The following PAG1 variants were observed in gnomAD, a reference collection of about 807,000 sequenced individuals.
PAG1 encodes phosphoprotein membrane anchor with glycosphingolipid microdomains 1.
Under a neutral mutation model 31.7 loss-of-function variants are expected in PAG1, and 23 were observed. The observed-to-expected ratio is 0.73, with a 90% CI of 0.52 to 1.03. The LOEUF is 1.03. Ranked by LOEUF, PAG1 falls within the 50% of genes least tolerant of loss-of-function variation. The probability of loss-of-function intolerance (pLI) is 0.00; values close to 1 mark genes in which losing one functional copy is unlikely to be tolerated. For missense variants in PAG1, 473 were observed against 540.7 expected, an observed-to-expected ratio of 0.87 and a Z score of 1.24; for synonymous variants, 214 against 210.3, an observed-to-expected ratio of 1.02 and a Z score of -0.15.
At chr8:81,039,943 T>C (rs1172518003) in intron 2 of PAG1, among the ~76,000 whole-genome samples, 1 of 152,216 alleles carries the variant, frequency 6.6e-6, no homozygotes, top group Non-Finnish European at 1.5e-5. Flanking sequence ...TCAATAATTA[T>C]TTTAATTGTG....
At chr8:81,102,872 G>A (rs1809630887) in intron 1 of PAG1, among the ~76,000 whole-genome samples, 1 of 152,112 alleles carries the variant, frequency 6.6e-6, no homozygotes, top group South Asian at 2.1e-4. Context: ...ATCATTTAAT[G>A]TATCTGGAGA....
In PAG1 at chr8:80,993,094, G is replaced by A. The variant is rs1266425671; in HGVS notation, c.125+9C>T. On this transcript the variant is annotated intron_variant, in intron 4 of 8. Transcript: ENST00000220597. ...TTTAAGGCACAGGTATATACACTCT[G>A]GTTCTCACCTGTCACAACTAGAGCA... is the stretch of plus-strand genomic sequence containing the variant. 5.0e-6 allele frequency: 8 copies of A among 1,612,430 alleles called. No individual in the cohort carries two copies. The highest frequency in any genetic ancestry group is 6.8e-6 in the Non-Finnish European group (8 of 1,179,182).
At chr8:81,103,913 T>C (rs1809649941) in intron 1 of PAG1, among the ~76,000 whole-genome samples, 2 of 152,182 alleles carry the variant, frequency 1.3e-5, no homozygotes, top group Non-Finnish European at 2.9e-5. Context: ...CATTCTCCCA[T>C]GAAGCCTGTG....
chr8:81,105,152 C>A (rs138481462), intron 1 of PAG1, among the ~76,000 whole-genome samples: 2 of 152,238 alleles, frequency 1.3e-5, no homozygotes, highest in East Asian at 3.9e-4. Flanking sequence ...GAAAAGTCAT[C>A]CCCTTGGAGT....
Position 81,095,597 on chromosome 8 carries a change from TTAC to T in PAG1, c.-234+15991_-234+15993del, listed in dbSNP as rs376886642. Reference sequence around the variant, plus strand: ...TCACTCCTAACGATGTATATATATTTTACTCTCTGCTAAAACCAAATGTCTACT... The same window carrying T: ...TCACTCCTAACGATGTATATATATTTTCTCTGCTAAAACCAAATGTCTACT... On this transcript the variant is annotated intron_variant, in intron 1 of 8. Coordinates refer to ENST00000220597, the MANE Select transcript of PAG1 (RefSeq NM_018440.4). Among the ~76,000 whole-genome samples the T allele has an allele frequency of 4.7e-4, 71 of 152,300 alleles. 1 individual carries two copies. The highest frequency in any genetic ancestry group is 1.6e-3 in the African/African-American group (68 of 41,546).
chr8:81,011,876 G>T (rs1226358925), intron 3 of PAG1, among the ~76,000 whole-genome samples: 1 of 152,196 alleles, frequency 6.6e-6, no homozygotes, highest in Non-Finnish European at 1.5e-5. Context: ...TTCTCCATTT[G>T]CACATTTTGC....
intron 2 of PAG1, among the ~76,000 whole-genome samples, chr8:81,068,435 A>G (rs1385650582): frequency 1.3e-5 from 2 of 152,224 alleles, no homozygotes; most frequent in East Asian, 1.9e-4. Flanking sequence ...TGTAGCCACC[A>G]TGTTAGTTCT....
At chr8:81,066,013 A>G (rs962722567) in intron 2 of PAG1, among the ~76,000 whole-genome samples, 1 of 151,394 alleles carries the variant, frequency 6.6e-6, no homozygotes, top group African/African-American at 2.4e-5. Context: ...CAAAGTGAAC[A>G]TTCTCATGTT....
At chr8:81,074,918 G>A (rs984686442) in intron 1 of PAG1, among the ~76,000 whole-genome samples, 1 of 152,174 alleles carries the variant, frequency 6.6e-6, no homozygotes, top group East Asian at 1.9e-4. Flanking sequence ...CTATCCAGCT[G>A]CCTCATGCTC....
At chr8:81,086,507 G>A (rs79360635) in intron 1 of PAG1, among the ~76,000 whole-genome samples, 5,624 of 149,916 alleles carry the variant, frequency 0.038, 328 homozygotes, top group African/African-American at 0.13. Context: ...GTGTGTGTGC[G>A]CGCGCGTGTG....
chr8:81,009,906 T>G (rs958269736), intron 3 of PAG1, among the ~76,000 whole-genome samples: 5 of 152,216 alleles, frequency 3.3e-5, no homozygotes, highest in African/African-American at 1.2e-4. Flanking sequence ...TGAGCCACTG[T>G]GCCCAGGCCA....
intron 1 of PAG1, among the ~76,000 whole-genome samples, chr8:81,092,303 G>A (rs560504294): frequency 6.7e-4 from 102 of 152,106 alleles, no homozygotes; most frequent in Non-Finnish European, 1.1e-3. Context: ...AGGATTGCTT[G>A]AGCGTGGGAG....
chr8:80,975,117 T>C lies in PAG1; in HGVS notation c.*1427A>G, dbSNP rs1807154887. ...ATGAGGTTTATAATTCACAGCCACC[T>C]CTCATCATATTTTGTTCTTCTTTCC... is the stretch of plus-strand genomic sequence containing the variant. On this transcript the variant is annotated 3_prime_UTR_variant, in exon 9 of 9. Transcript: ENST00000220597. 5 of 152,200 alleles carry C rather than the reference T, an allele frequency of 3.3e-5. 1 individual carries two copies. The South Asian group carries it at 1.0e-3, about 31-fold the overall frequency. 9.4% of individuals were successfully genotyped at this position (152,200 alleles called of 1,614,324 possible). A position where few individuals can be genotyped will look rare whatever the true frequency, so the allele number is the denominator to read the frequency against.
intron 3 of PAG1, among the ~76,000 whole-genome samples, chr8:81,020,376 T>C (rs1808142526): frequency 6.6e-6 from 1 of 152,172 alleles, no homozygotes; most frequent in African/African-American, 2.4e-5. Context: ...TCATCTTAAA[T>C]TGTAGCTCCC....
rs1053889268 is a variant in PAG1 at position 80,974,436 on chromosome 8, G to A, written c.*2108C>T. ...TAGAATTCAGAGAAATGCAAGGTAC[G>A]AACTTCTCTCTAATCCAAGGGTATT... On this transcript the variant is annotated 3_prime_UTR_variant, in exon 9 of 9. Coordinates refer to ENST00000220597, the MANE Select transcript of PAG1 (RefSeq NM_018440.4). 1.3e-5 allele frequency: 2 copies of A among 152,188 alleles called. No individual in the cohort carries two copies. Among genetic ancestry groups the A allele is most frequent in the Non-Finnish European group, 2.9e-5 (2 of 68,038 alleles). The allele number at this position is 152,188 out of a possible 1,614,324, so 9.4% of individuals were successfully genotyped here.
intron 2 of PAG1, among the ~76,000 whole-genome samples, chr8:81,069,468 T>C (rs1809059870): frequency 6.6e-6 from 1 of 152,234 alleles, no homozygotes; most frequent in South Asian, 2.1e-4. Flanking sequence ...TAAACACTGA[T>C]AACCATTGTA....
chr8:81,089,574 GAA>G (rs60931968), intron 1 of PAG1, among the ~76,000 whole-genome samples: 90 of 145,584 alleles, frequency 6.2e-4, no homozygotes, highest in African/African-American at 9.1e-4. Context: ...TCTCAAAAAG[GAA>G]AAAAAAAAAA....
chr8:80,998,295 A>G (rs950846628), intron 3 of PAG1, among the ~76,000 whole-genome samples: 11 of 151,950 alleles, frequency 7.2e-5, no homozygotes, highest in African/African-American at 2.4e-4. Context: ...ATGCCCAGCT[A>G]ATTTTTGTAT....
At chr8:80,984,684 T>C (rs1194079790) in intron 7 of PAG1, 92 bp downstream of exon 7, 3 of 1,202,080 alleles carry the variant, frequency 2.5e-6, no homozygotes, top group Admixed American at 2.3e-5. Flanking sequence ...TGGAAAGTGT[T>C]TGCAGATATT....
Sources: gnomAD v4.1 joint callset for allele counts (sites outside exome capture counted in the v4.1 genomes callset) on GRCh38, gnomAD v4.1.1 for gene constraint, MANE v1.5 for transcripts, NCBI Gene and HGNC (gene_info 2026-07-23, HGNC 2026-07-21) for gene names.